The following CSNK1G2 variants were observed in gnomAD, a reference collection of about 807,000 sequenced individuals.
The protein encoded by CSNK1G2 is casein kinase I isoform gamma-2.
In CSNK1G2, 11 loss-of-function variants were observed where a neutral mutation model predicts 48.0. That is an observed-to-expected ratio of 0.23 (90% CI 0.14 to 0.38). The LOEUF is 0.38. Ranked by LOEUF, CSNK1G2 falls within the 10% of genes least tolerant of loss-of-function variation. CSNK1G2 has a pLI of 1.00. For missense variants in CSNK1G2, 446 were observed against 595.5 expected, an observed-to-expected ratio of 0.75 and a Z score of 2.61; for synonymous variants, 337 against 254.1, an observed-to-expected ratio of 1.33 and a Z score of -3.10.
Position 1,979,905 on chromosome 19 carries a change from C to G in CSNK1G2, c.1087-6C>G, listed in dbSNP as rs748548180. On this transcript the variant is annotated splice_region_variant and splice_polypyrimidine_tract_variant and intron_variant, in intron 10 of 11. Coordinates refer to ENST00000255641, the MANE Select transcript of CSNK1G2 (RefSeq NM_001319.7). ...GGCCAGCGTGACCCCCTACTGCCCC[C>G]ACCAGGCGTTGAACTCCACCAACGG... 1.2e-6 allele frequency: 2 copies of G among 1,607,754 alleles called. No individual in the cohort carries two copies. Among genetic ancestry groups the G allele is most frequent in the Non-Finnish European group, 8.5e-7 (1 of 1,177,476 alleles).
chr19:1,978,414 C>A lies in CSNK1G2; in HGVS notation c.229-28C>A. The stretch of plus-strand genomic sequence containing the variant: ...GGGATTTCAGGGCAGCGACCCGGTC[C>A]CCTGGTGACTCGCTCTTGTGCCCCC... On this transcript the variant is annotated intron_variant, in intron 3 of 11. Transcript: ENST00000255641. This position sits in a 1 kb window ranked among gnomAD's most constrained non-coding sequence, Gnocchi z 7.3. The A allele has an allele frequency of 6.2e-7, 1 of 1,611,896 alleles. No individual in the cohort carries two copies. Among genetic ancestry groups the A allele is most frequent in the East Asian group, 2.2e-5 (1 of 44,842 alleles).
intron 1 of CSNK1G2, among the ~76,000 whole-genome samples, chr19:1,968,525 C>G (rs1004945731): frequency 1.9e-4 from 29 of 152,360 alleles, no homozygotes; most frequent in African/African-American, 6.7e-4. Context: ...GAGCCCCTGT[C>G]CAGACACGGC....
At chr19:1,971,841 C>T (rs1479580661) in intron 2 of CSNK1G2, among the ~76,000 whole-genome samples, 1 of 147,230 alleles carries the variant, frequency 6.8e-6, no homozygotes, top group East Asian at 2.0e-4. Flanking sequence ...GCAATCTCGG[C>T]TCACTGCAAG....
chr19:1,966,246 C>G (rs183222118), intron 1 of CSNK1G2, among the ~76,000 whole-genome samples: 1 of 152,278 alleles, frequency 6.6e-6, no homozygotes, highest in East Asian at 1.9e-4. Context: ...GAAGGACACG[C>G]GTGATCCATG....
chr19:1,951,688 G>A (rs1208296938), intron 1 of CSNK1G2, among the ~76,000 whole-genome samples: 5 of 140,474 alleles, frequency 3.6e-5, no homozygotes, highest in Admixed American at 7.2e-5. Context: ...CTTCTCTGCT[G>A]TTTTTTTTTG....
At position 1,957,592 on chromosome 19, in the gene CSNK1G2, T is replaced by C. The variant is rs1027945164; in HGVS notation, c.-265-11916T>C. Among the ~76,000 whole-genome samples, 1 of 152,204 alleles carries C rather than the reference T, an allele frequency of 6.6e-6. No individual in the cohort carries two copies. Among genetic ancestry groups the C allele is most frequent in the African/African-American group, 2.4e-5 (1 of 41,450 alleles). ...TGCCTTTGCCCCTGCAGGTCCCCCA[T>C]GTCCCCTCGCCCGGGGCGCGCTCCA... On this transcript the variant is annotated intron_variant, in intron 1 of 11. Coordinates refer to ENST00000255641, the MANE Select transcript of CSNK1G2 (RefSeq NM_001319.7). The surrounding 1 kb of genome is among the most constrained non-coding windows in gnomAD (Gnocchi z 5.4).
intron 1 of CSNK1G2, among the ~76,000 whole-genome samples, chr19:1,967,816 CCCCCGACCACCCTTCAGTTCTGCAGG>C (rs2015419349): frequency 2.0e-5 from 1 of 49,686 alleles, no homozygotes; most frequent in African/African-American, 1.1e-4. Context: ...CCCCAGGCTG[CCCCCGACCACCCTTCAGTTCTGCAGG>C]TGGGGCTCCT....
At chr19:1,971,938 A>G (rs1321403304) in intron 2 of CSNK1G2, among the ~76,000 whole-genome samples, 1 of 151,692 alleles carries the variant, frequency 6.6e-6, no homozygotes, top group Non-Finnish European at 1.5e-5. Flanking sequence ...CCCGGCTAAT[A>G]TTTTGTATTT....
intron 1 of CSNK1G2, among the ~76,000 whole-genome samples, chr19:1,960,967 A>T (rs2015178743): frequency 6.6e-6 from 1 of 152,212 alleles, no homozygotes; most frequent in African/African-American, 2.4e-5. Flanking sequence ...GAAGAAGGAG[A>T]ATGTCCCCGT....
intron 2 of CSNK1G2, chr19:1,975,818 C>G: frequency 1.0e-6 from 1 of 966,036 alleles, no homozygotes; most frequent in African/African-American, 1.8e-5. Context: ...GGCGGATCAC[C>G]TGACGTCAGG....
intron 1 of CSNK1G2, among the ~76,000 whole-genome samples, chr19:1,945,371 G>C (rs959927143): frequency 6.6e-6 from 1 of 152,190 alleles, no homozygotes; most frequent in Non-Finnish European, 1.5e-5. Context: ...CCCTTGCTCA[G>C]AGCCCCCAAC....
intron 1 of CSNK1G2, among the ~76,000 whole-genome samples, chr19:1,943,501 G>T (rs1167408959): frequency 6.6e-6 from 1 of 152,196 alleles, no homozygotes. Flanking sequence ...AAGGAAGTAG[G>T]CGAGGGTTTT....
At chr19:1,961,970 C>T (rs1202366711) in intron 1 of CSNK1G2, among the ~76,000 whole-genome samples, 1 of 152,194 alleles carries the variant, frequency 6.6e-6, no homozygotes, top group Non-Finnish European at 1.5e-5. Flanking sequence ...GCATCCCTGA[C>T]CCAGTGCAGT....
intron 1 of CSNK1G2, among the ~76,000 whole-genome samples, chr19:1,946,781 T>G (rs542730976): frequency 8.2e-4 from 124 of 151,320 alleles, no homozygotes; most frequent in African/African-American, 2.8e-3. Context: ...CCTGGCTAAT[T>G]TTTGTATTTT....
intron 11 of CSNK1G2, 65 bp downstream of exon 11, chr19:1,980,082 G>A (rs71337071): frequency 0.1 from 167,863 of 1,601,532 alleles, 12,280 homozygotes; most frequent in African/African-American, 0.39. Context: ...GGGGTGGGAG[G>A]GCCTGAGGCC....
chr19:1,958,594 C>T (rs1266456948), intron 1 of CSNK1G2, among the ~76,000 whole-genome samples: 4 of 124,268 alleles, frequency 3.2e-5, no homozygotes. Flanking sequence ...TCCCCCGTCC[C>T]CCTGTCCCCC....
chr19:1,966,759 G>A (rs1041972079), intron 1 of CSNK1G2, among the ~76,000 whole-genome samples: 14 of 152,246 alleles, frequency 9.2e-5, no homozygotes, highest in African/African-American at 3.1e-4. Context: ...AGCAGCCACC[G>A]CCCCAACGAG....
intron 1 of CSNK1G2, among the ~76,000 whole-genome samples, chr19:1,963,876 G>A (rs946205631): frequency 1.3e-5 from 2 of 149,860 alleles, no homozygotes; most frequent in Admixed American, 1.3e-4. Context: ...GAGTGCAATG[G>A]CACGATCTTG....
intron 1 of CSNK1G2, among the ~76,000 whole-genome samples, chr19:1,956,771 TC>T (rs925058011): frequency 6.6e-6 from 1 of 152,152 alleles, no homozygotes; most frequent in African/African-American, 2.4e-5. Context: ...CATACCCACA[TC>T]CGTGGGGGCT....
Sources: gnomAD v4.1 joint callset for allele counts (sites outside exome capture counted in the v4.1 genomes callset) on GRCh38, gnomAD v4.1.1 for gene constraint, Gnocchi (gnomAD v3.1) non-coding constraint, MANE v1.5 for transcripts, NCBI Gene and HGNC (gene_info 2026-07-23, HGNC 2026-07-21) for gene names.